Variants in FUT8 observed in about 807,000 individuals in gnomAD.
FUT8 encodes the protein fucosyltransferase 8.
FUT8 carries 29 observed loss-of-function variants against 71.3 expected under a neutral mutation model. The ratio of observed to expected loss-of-function variants is 0.41; its 90% CI spans 0.30 to 0.55. FUT8 has a LOEUF of 0.55. Among genes scored for constraint, FUT8 ranks in the 20% least tolerant of loss-of-function variants. FUT8 has a pLI of 0.34. For missense variants in FUT8, 544 were observed against 702.1 expected (o/e 0.77, Z 2.55); for synonymous variants, 254 against 239.3 (o/e 1.06, Z -0.57).
chr14:65,369,882 T>G, the FUT8 span, among the ~76,000 whole-genome samples: 2 of 152,174 alleles, frequency 1.3e-5, no homozygotes, highest in African/African-American at 4.8e-5. The surrounding 1 kb of genome is among the most constrained non-coding windows in gnomAD (Gnocchi z 4.6). Context: ...GTAGCCATTC[T>G]TTATTCCTTT....
chr14:65,430,866 C>G (rs368900372), intron 1 of FUT8, among the ~76,000 whole-genome samples: 1 of 152,000 alleles, frequency 6.6e-6, no homozygotes, highest in African/African-American at 2.4e-5. Context: ...GAATTTGTAT[C>G]CTACAAGTTA....
chr14:65,719,304 A>G (rs1397400670), intron 7 of FUT8, among the ~76,000 whole-genome samples: 4 of 151,866 alleles, frequency 2.6e-5, no homozygotes, highest in Non-Finnish European at 5.9e-5. Flanking sequence ...ATTCCTTTTA[A>G]TTGTTTCAAC....
chr14:65,424,867 C>T (rs1025373531), intron 1 of FUT8, among the ~76,000 whole-genome samples: 2 of 151,838 alleles, frequency 1.3e-5, no homozygotes. Context: ...GCCATGTTGC[C>T]CTTGTCCAGG....
chr14:65,533,651 C>T (rs1884100913), intron 2 of FUT8, among the ~76,000 whole-genome samples: 1 of 151,954 alleles, frequency 6.6e-6, no homozygotes, highest in Non-Finnish European at 1.5e-5. Flanking sequence ...TGCCTGATTG[C>T]TCTTGAAAGG....
Position 65,627,608 on chromosome 14 carries a change from G to A in FUT8, c.483-1884G>A, listed in dbSNP as rs560974815. ...GGCCTGCCAGCACTTGGGAGGGATC[G>A]CATATGCAGTGTGTTTACTGAAGTT... On this transcript the variant is annotated intron_variant, in intron 5 of 10. Transcript: ENST00000673929. This position sits in a 1 kb window ranked among gnomAD's most constrained non-coding sequence, Gnocchi z 4.0. 1.2e-4 allele frequency among the ~76,000 whole-genome samples: 18 copies of A among 152,306 alleles called. No homozygotes were observed. The highest frequency in any genetic ancestry group is 3.8e-4 in the African/African-American group (16 of 41,568).
chr14:65,463,559 G>C (rs114862806), intron 2 of FUT8, among the ~76,000 whole-genome samples: 2,659 of 152,256 alleles, frequency 0.017, 79 homozygotes, highest in African/African-American at 0.061. Flanking sequence ...CAGCCACCGT[G>C]CCTGGCTAAT....
intron 1 of FUT8, among the ~76,000 whole-genome samples, chr14:65,438,967 A>T (rs1355527259): frequency 6.6e-6 from 1 of 152,228 alleles, no homozygotes. Context: ...TTTATTTCCT[A>T]ATGAAAAATA....
intron 7 of FUT8, among the ~76,000 whole-genome samples, chr14:65,683,893 T>C (rs1839667985): frequency 6.6e-6 from 1 of 151,934 alleles, no homozygotes. Context: ...TATTAATATA[T>C]AATCATTAAA....
At chr14:65,629,883 C>G (rs139868755) in intron 6 of FUT8, among the ~76,000 whole-genome samples, 123 of 151,816 alleles carry the variant, frequency 8.1e-4, no homozygotes, top group African/African-American at 2.8e-3. Context: ...TAACATCTTA[C>G]ATTTTATAGG....
At chr14:65,648,319 T>C (rs1263173978) in intron 6 of FUT8, among the ~76,000 whole-genome samples, 1 of 152,208 alleles carries the variant, frequency 6.6e-6, no homozygotes, top group Non-Finnish European at 1.5e-5. Context: ...CCTCTTCCTG[T>C]TCCTTCTATT....
At chr14:65,727,874 T>C (rs1184930731) in intron 9 of FUT8, among the ~76,000 whole-genome samples, 3 of 152,222 alleles carry the variant, frequency 2.0e-5, no homozygotes, top group Non-Finnish European at 2.9e-5. Flanking sequence ...TCTTTGCTGC[T>C]TAGAAATTTC....
chr14:65,441,598 A>C lies in FUT8; in HGVS notation c.-325-14023A>C, dbSNP rs544819561. Among the ~76,000 whole-genome samples, 361 of 151,888 alleles carry C rather than the reference A, an allele frequency of 2.4e-3. 2 individuals carry two copies. Among genetic ancestry groups the C allele is most frequent in the Non-Finnish European group, 2.7e-3 (183 of 67,928 alleles). ...TCTACTAAAAACACACACACAAAAA[A>C]AAAAATTAGCCGGGTGTGGTGGCAC... On this transcript the variant is annotated intron_variant, in intron 1 of 10. Transcript: ENST00000673929.
At chr14:65,605,800 TAGAGGAG>T (rs151296135) in intron 3 of FUT8, among the ~76,000 whole-genome samples, 4,233 of 152,054 alleles carry the variant, frequency 0.028, 205 homozygotes, top group African/African-American at 0.095. Flanking sequence ...GCCATTTTAA[TAGAGGAG>T]AGAGTATCTC....
At chr14:65,592,981 G>A (rs1468984137) in intron 3 of FUT8, among the ~76,000 whole-genome samples, 1 of 152,094 alleles carries the variant, frequency 6.6e-6, no homozygotes, top group African/African-American at 2.4e-5. Flanking sequence ...TGGTAATCTG[G>A]TAATTTCTTT....
At chr14:65,547,617 A>G (rs902554258) in intron 2 of FUT8, among the ~76,000 whole-genome samples, 2 of 151,848 alleles carry the variant, frequency 1.3e-5, no homozygotes, top group African/African-American at 4.8e-5. Context: ...TTCAGCCTGA[A>G]AAGTATCCTT....
intron 2 of FUT8, among the ~76,000 whole-genome samples, chr14:65,515,204 A>T (rs543733549): frequency 6.7e-6 from 1 of 149,580 alleles, no homozygotes; most frequent in Non-Finnish European, 1.5e-5. Flanking sequence ...TGCTGTGTAG[A>T]TCTTTTGGAC....
intron 3 of FUT8, among the ~76,000 whole-genome samples, chr14:65,566,075 T>C (rs1306066832): frequency 6.6e-6 from 1 of 151,990 alleles, no homozygotes; most frequent in African/African-American, 2.4e-5. Flanking sequence ...GGGTCACTCA[T>C]GTGGCTGCAG....
Position 65,629,610 on chromosome 14 carries a change from A to G in FUT8, c.597+4A>G. On this transcript the variant is annotated splice_donor_region_variant and intron_variant, in intron 6 of 10. Coordinates refer to ENST00000673929, the MANE Select transcript of FUT8 (RefSeq NM_001371533.1). ...GCGGAGAATAACATATCTTCAGGTA[A>G]GAAGGTTGGGTTAAGAATAAATTTG... is the stretch of plus-strand genomic sequence containing the variant. 2.5e-6 allele frequency: 4 copies of G among 1,592,948 alleles called. No individual in the cohort carries two copies. Among genetic ancestry groups the G allele is most frequent in the Non-Finnish European group, 3.4e-6 (4 of 1,160,864 alleles).
At chr14:65,604,042 A>G (rs1252900519) in intron 3 of FUT8, among the ~76,000 whole-genome samples, 1 of 151,764 alleles carries the variant, frequency 6.6e-6, no homozygotes, top group Non-Finnish European at 1.5e-5. Flanking sequence ...TCCTAAACAT[A>G]TACAAGGCCT....
Sources: gnomAD v4.1 joint callset for allele counts (sites outside exome capture counted in the v4.1 genomes callset) on GRCh38, gnomAD v4.1.1 for gene constraint, Gnocchi (gnomAD v3.1) non-coding constraint, MANE v1.5 for transcripts, NCBI Gene and HGNC (gene_info 2026-07-23, HGNC 2026-07-21) for gene names.